LRRTM4: variants seen among roughly 807,000 people sequenced by gnomAD.
The protein encoded by LRRTM4 is leucine rich repeat transmembrane neuronal 4.
Under a neutral mutation model 47.6 loss-of-function variants are expected in LRRTM4, and 25 were observed. The observed-to-expected ratio is 0.53, with a 90% CI of 0.38 to 0.73. LRRTM4 has a LOEUF of 0.73. Ranked by LOEUF, LRRTM4 falls within the 30% of genes least tolerant of loss-of-function variation. LRRTM4 has a pLI of 0.00. For synonymous variants in LRRTM4, 311 were observed against 269.5 expected (o/e 1.15, Z -1.51); for missense variants, 638 against 713.4 (o/e 0.89, Z 1.20).
chr2:77,404,506 A>C (rs1674098404), intron 3 of LRRTM4, among the ~76,000 whole-genome samples: 1 of 152,116 alleles, frequency 6.6e-6, no homozygotes, highest in African/African-American at 2.4e-5. Context: ...TTCAAGAACA[A>C]GAAAAGACAT....
intron 3 of LRRTM4, among the ~76,000 whole-genome samples, chr2:76,995,420 A>G (rs542567492): frequency 6.6e-6 from 1 of 152,154 alleles, no homozygotes; most frequent in South Asian, 2.1e-4. Context: ...TAGTTGCAGT[A>G]CTTTTACACC....
chr2:77,035,915 AGGAGCAGCCTAAT>A (rs1678821887), intron 3 of LRRTM4, among the ~76,000 whole-genome samples: 1 of 151,834 alleles, frequency 6.6e-6, no homozygotes, highest in Non-Finnish European at 1.5e-5. Flanking sequence ...TTAAGCTCTG[AGGAGCAGCCTAAT>A]GGTTTTCAGA....
At chr2:77,500,460 T>C (rs1346170046) in intron 3 of LRRTM4, among the ~76,000 whole-genome samples, 2 of 151,608 alleles carry the variant, frequency 1.3e-5, no homozygotes, top group Non-Finnish European at 3.0e-5. Flanking sequence ...AAAAAATCTG[T>C]ATTACAGAAG....
intron 3 of LRRTM4, among the ~76,000 whole-genome samples, chr2:77,152,765 A>G (rs1672463696): frequency 1.3e-5 from 2 of 152,198 alleles, no homozygotes; most frequent in Admixed American, 6.5e-5. Flanking sequence ...GGTGCTAAGT[A>G]TTCATCATTT....
At chr2:76,870,696 A>G (rs1038730084) in intron 3 of LRRTM4, among the ~76,000 whole-genome samples, 2 of 152,150 alleles carry the variant, frequency 1.3e-5, no homozygotes, top group Non-Finnish European at 2.9e-5. Context: ...CTCCTTCCCA[A>G]GTGATTTTCT....
At chr2:77,173,871 T>G (rs1444895402) in intron 3 of LRRTM4, among the ~76,000 whole-genome samples, 1 of 152,166 alleles carries the variant, frequency 6.6e-6, no homozygotes, top group Non-Finnish European at 1.5e-5. Context: ...GGAGCAGTAC[T>G]ATTATTATCT....
At chr2:77,049,118 TTTTTTATA>T (rs1175972883) in intron 3 of LRRTM4, among the ~76,000 whole-genome samples, 2 of 83,350 alleles carry the variant, frequency 2.4e-5, no homozygotes. Flanking sequence ...TAATATTTCA[TTTTTTATA>T]TATATATATA....
intron 3 of LRRTM4, among the ~76,000 whole-genome samples, chr2:77,140,865 G>GA (rs933324498): frequency 1.4e-4 from 21 of 152,214 alleles, no homozygotes; most frequent in African/African-American, 5.1e-4. Flanking sequence ...ACAGACACAT[G>GA]AAAAAATGCT....
chr2:77,342,577 A>T (rs1356753262), intron 3 of LRRTM4, among the ~76,000 whole-genome samples: 2 of 151,998 alleles, frequency 1.3e-5, no homozygotes, highest in East Asian at 3.8e-4. Flanking sequence ...CAGATTCTTC[A>T]TGGGAAAATA....
At chr2:76,961,648 A>G (rs72823121) in intron 3 of LRRTM4, among the ~76,000 whole-genome samples, 2,862 of 151,434 alleles carry the variant, frequency 0.019, 75 homozygotes, top group East Asian at 0.082. Flanking sequence ...TCCCAGGGCT[A>G]CTATTAATGA....
chr2:77,083,032 A>T (rs10193399), intron 3 of LRRTM4, among the ~76,000 whole-genome samples: 5 of 152,150 alleles, frequency 3.3e-5, no homozygotes, highest in Non-Finnish European at 7.3e-5. Flanking sequence ...ACTTTTAAAT[A>T]TATCAGTATA....
intron 3 of LRRTM4, among the ~76,000 whole-genome samples, chr2:76,791,707 G>C (rs1002536933): frequency 4.6e-5 from 7 of 152,194 alleles, no homozygotes; most frequent in Non-Finnish European, 1.0e-4. Flanking sequence ...AAATGCCACA[G>C]TGCAAACTGG....
intron 3 of LRRTM4, among the ~76,000 whole-genome samples, chr2:77,481,394 T>C (rs1677697391): frequency 1.3e-5 from 2 of 152,328 alleles, no homozygotes; most frequent in South Asian, 2.1e-4. Context: ...AATACCTGGC[T>C]TTAGCAAGGC....
At chr2:77,344,253 C>A (rs1671479243) in intron 3 of LRRTM4, among the ~76,000 whole-genome samples, 1 of 151,750 alleles carries the variant, frequency 6.6e-6, no homozygotes, top group African/African-American at 2.4e-5. Context: ...CCAATTAATT[C>A]TGAGATGGTA....
intron 3 of LRRTM4, among the ~76,000 whole-genome samples, chr2:76,772,115 A>C (rs1008264199): frequency 3.9e-5 from 6 of 152,060 alleles, no homozygotes; most frequent in African/African-American, 1.4e-4. Context: ...GACCTTTGGG[A>C]GGTAATTAGA....
At chr2:76,991,491 A>T (rs548511172) in intron 3 of LRRTM4, among the ~76,000 whole-genome samples, 1 of 151,760 alleles carries the variant, frequency 6.6e-6, no homozygotes, top group African/African-American at 2.4e-5. Flanking sequence ...ATTCTCCAAC[A>T]CTGTTATGAA....
At chr2:76,777,129 G>C (rs1171617182) in intron 3 of LRRTM4, among the ~76,000 whole-genome samples, 4 of 149,468 alleles carry the variant, frequency 2.7e-5, no homozygotes, top group Non-Finnish European at 5.9e-5. Flanking sequence ...TCTCTGTTTT[G>C]GTACCAGTAC....
chr2:77,425,700 C>T (rs1573396569), intron 3 of LRRTM4, among the ~76,000 whole-genome samples: 1 of 152,172 alleles, frequency 6.6e-6, no homozygotes, highest in South Asian at 2.1e-4. Flanking sequence ...TATCCACTGC[C>T]TCCTTGACAA....
intron 3 of LRRTM4, among the ~76,000 whole-genome samples, chr2:76,798,082 G>A (rs1341377587): frequency 6.6e-6 from 1 of 151,150 alleles, no homozygotes; most frequent in Non-Finnish European, 1.5e-5. Context: ...ATTGAACTCA[G>A]CTCTGCAGCA....
Sources: allele counts gnomAD v4.1 joint callset (sites outside exome capture counted in the v4.1 genomes callset), GRCh38; gene constraint gnomAD v4.1.1; transcripts MANE v1.5; gene names NCBI Gene and HGNC (gene_info 2026-07-23, HGNC 2026-07-21).